The following NAT1 variants were observed in gnomAD, a reference collection of about 807,000 sequenced individuals.
NAT1 encodes N-acetyltransferase 1, also known as arylamine N-acetyltransferase 1.
For missense variants in NAT1, 400 were observed against 339.2 expected (o/e 1.18, Z -1.41); for synonymous variants, 144 against 122.6 (o/e 1.17, Z -1.16).
Position 18,210,625 on chromosome 8 carries a change from T to A in NAT1, c.-86+445T>A, listed in dbSNP as rs903287021. On this transcript the variant is annotated intron_variant, in intron 1 of 2. Transcript: ENST00000307719. ...TCACCCTCCTCTGTCCCCAGTGGTG[T>A]GTGTCCCAAAGGACCCAGTTAATCC... is the stretch of plus-strand genomic sequence containing the variant. Among the ~76,000 whole-genome samples the A allele has an allele frequency of 2.6e-5, 4 of 152,216 alleles. No individual in the cohort carries two copies. The East Asian group carries it at 7.7e-4, about 29-fold the overall frequency.
chr8:18,219,803 C>G (rs1805095089), intron 2 of NAT1, among the ~76,000 whole-genome samples: 1 of 152,128 alleles, frequency 6.6e-6, no homozygotes, highest in Non-Finnish European at 1.5e-5. Context: ...AAACTGACTT[C>G]TTTCAAATGG....
At chr8:18,190,578 C>G (rs1480455534) in intron 2 of NAT1, among the ~76,000 whole-genome samples, 2 of 152,276 alleles carry the variant, frequency 1.3e-5, no homozygotes, top group South Asian at 2.1e-4. Context: ...TTTCCTCTTT[C>G]AGCTGTGGAC....
intron 2 of NAT1, among the ~76,000 whole-genome samples, chr8:18,179,446 G>A (rs1802422328): frequency 6.6e-6 from 1 of 152,116 alleles, no homozygotes; most frequent in South Asian, 2.1e-4. Flanking sequence ...TGAAGCACCA[G>A]CCTGGAAGTG....
chr8:18,203,128 C>T (rs1312135560), intron 2 of NAT1, among the ~76,000 whole-genome samples: 1 of 152,160 alleles, frequency 6.6e-6, no homozygotes, highest in East Asian at 1.9e-4. Context: ...CTCCAGCTCT[C>T]ACTATAAGAT....
At chr8:18,185,072 CGGTTTCAGGAGTGCT>C (rs2117234611) in intron 2 of NAT1, among the ~76,000 whole-genome samples, 2 of 70,954 alleles carry the variant, frequency 2.8e-5, no homozygotes, top group East Asian at 7.8e-4. Flanking sequence ...GTGCTTGTTT[CGGTTTCAGGAGTGCT>C]TGTTTCAGTT....
chr8:18,214,246 T>C (rs1804410046), intron 1 of NAT1, among the ~76,000 whole-genome samples: 1 of 152,212 alleles, frequency 6.6e-6, no homozygotes, highest in Non-Finnish European at 1.5e-5. Flanking sequence ...GTGACCTCTC[T>C]ACTTTTTGGT....
At chr8:18,208,994 G>A (rs1798507148), upstream of NAT1, among the ~76,000 whole-genome samples, 1 of 152,204 alleles carries the variant, frequency 6.6e-6, no homozygotes, top group African/African-American at 2.4e-5. Context: ...TGAGACCAGG[G>A]CAGTTTGACA....
intron 1 of NAT1, among the ~76,000 whole-genome samples, chr8:18,218,807 G>A (rs1256901204): frequency 6.6e-6 from 1 of 151,988 alleles, no homozygotes; most frequent in Non-Finnish European, 1.5e-5. Flanking sequence ...AATGAGTTTC[G>A]GGGGTCCCAC....
At chr8:18,181,439 G>T (rs1205615494) in intron 2 of NAT1, among the ~76,000 whole-genome samples, 1 of 152,116 alleles carries the variant, frequency 6.6e-6, no homozygotes, top group Admixed American at 6.5e-5. Context: ...CAACTTGAGT[G>T]AATTTATCAA....
upstream of NAT1, chr8:18,209,774 C>T (rs912194157): frequency 6.6e-6 from 1 of 152,154 alleles, no homozygotes; most frequent in Non-Finnish European, 1.5e-5. Flanking sequence ...TCTTTTGCCT[C>T]CTCTAGGTTA....
In NAT1 at chr8:18,222,895, A is replaced by G. The variant is rs1014599491; in HGVS notation, c.848A>G (p.His283Arg). 1.7e-5 allele frequency: 27 copies of G among 1,560,738 alleles called. No homozygotes were observed. The East Asian group carries it at 1.8e-4, about 10-fold the overall frequency. Residue 283 changes from histidine (H) to arginine (R), a missense_variant, in exon 3 of 3, where the codon CAT (histidine) becomes CGT (arginine). By Grantham distance (29) the His-to-Arg change is conservative (BLOSUM62 0). Transcript: ENST00000307719. ...ISLQRKLVPK[H>R]GDRFFTI Reference sequence around the variant, plus strand: ...TTGCAGAGAAAGCTTGTGCCCAAACATGGTGATAGATTTTTTACTATTTAG... The same window carrying G: ...TTGCAGAGAAAGCTTGTGCCCAAACGTGGTGATAGATTTTTTACTATTTAG...
intron 2 of NAT1, among the ~76,000 whole-genome samples, chr8:18,187,866 T>A (rs954982249): frequency 1.7e-4 from 25 of 151,306 alleles, no homozygotes; most frequent in African/African-American, 5.8e-4. Context: ...GTTTAACAGA[T>A]CCTGAAAGAA....
intron 2 of NAT1, among the ~76,000 whole-genome samples, chr8:18,204,037 C>T (rs73666900): frequency 0.021 from 3,153 of 152,274 alleles, 47 homozygotes; most frequent in Middle Eastern, 0.037. Flanking sequence ...GCCTTCCGCA[C>T]GCACTATGTA....
chr8:18,217,291 CA>C (rs879256565), intron 1 of NAT1, among the ~76,000 whole-genome samples: 3 of 146,696 alleles, frequency 2.0e-5, no homozygotes, highest in Admixed American at 6.8e-5. Context: ...AAATTTCTCT[CA>C]CATTATCAGG....
intron 2 of NAT1, among the ~76,000 whole-genome samples, chr8:18,173,096 A>G (rs117352317): frequency 0.016 from 2,409 of 151,608 alleles, 40 homozygotes; most frequent in South Asian, 0.055. Flanking sequence ...GATTTCTCTG[A>G]CTGGGCTCTC....
intron 2 of NAT1, among the ~76,000 whole-genome samples, chr8:18,199,262 C>T (rs867385498): frequency 8.2e-5 from 12 of 146,794 alleles, no homozygotes; most frequent in African/African-American, 2.6e-4. Context: ...TGCAGTGAGC[C>T]GAGACTGCAA....
intron 2 of NAT1, among the ~76,000 whole-genome samples, chr8:18,185,829 C>A (rs1802709677): frequency 6.6e-6 from 1 of 152,052 alleles, no homozygotes; most frequent in East Asian, 1.9e-4. Flanking sequence ...TCGGCTATGT[C>A]CCCAAAATTT....
At chr8:18,213,567 T>G (rs1249122756) in intron 1 of NAT1, among the ~76,000 whole-genome samples, 1 of 152,112 alleles carries the variant, frequency 6.6e-6, no homozygotes, top group Non-Finnish European at 1.5e-5. Context: ...CAAATAGCTT[T>G]TCTTTGTCTC....
intron 2 of NAT1, among the ~76,000 whole-genome samples, chr8:18,175,566 T>C (rs1033570225): frequency 6.6e-6 from 1 of 152,160 alleles, no homozygotes; most frequent in Non-Finnish European, 1.5e-5. Flanking sequence ...CAAGGCTATA[T>C]AGTATTCCAT....
Sources: gnomAD v4.1 joint callset for allele counts (sites outside exome capture counted in the v4.1 genomes callset) on GRCh38, gnomAD v4.1.1 for gene constraint, MANE v1.5 for transcripts, NCBI Gene and HGNC (gene_info 2026-07-23, HGNC 2026-07-21) for gene names.